LRTM1: variants seen among roughly 807,000 people sequenced by gnomAD.
LRTM1 encodes the protein leucine-rich repeat and transmembrane domain-containing protein 1.
A neutral mutation model predicts 32.4 loss-of-function variants in LRTM1; 38 were observed. The ratio of observed to expected loss-of-function variants is 1.17; its 90% confidence interval spans 0.91 to 1.54. The LOEUF is 1.54. Among genes scored for constraint, LRTM1 ranks in the 40% most tolerant of loss-of-function variants. The pLI is 0.00. For synonymous variants in LRTM1, 186 were observed against 169.9 expected, an observed-to-expected ratio of 1.09 and a Z score of -0.74; for missense variants, 466 against 415.4, an observed-to-expected ratio of 1.12 and a Z score of -1.06.
At chr3:54,945,982 G>T (rs1020402009) in intron 1 of LRTM1, among the ~76,000 whole-genome samples, 1 of 152,160 alleles carries the variant, frequency 6.6e-6, no homozygotes, top group African/African-American at 2.4e-5. Flanking sequence ...TCTTTGCCAC[G>T]CTTATTCGCC....
intron 1 of LRTM1, among the ~76,000 whole-genome samples, chr3:54,952,806 A>G (rs1169374497): frequency 3.9e-5 from 6 of 152,132 alleles, no homozygotes; most frequent in Non-Finnish European, 8.8e-5. Context: ...GACAATGACA[A>G]TATCTATCTA....
intron 1 of LRTM1, among the ~76,000 whole-genome samples, chr3:54,964,015 G>T (rs1324424678): frequency 6.6e-6 from 1 of 152,222 alleles, no homozygotes; most frequent in East Asian, 1.9e-4. Context: ...AGAGAGGTCA[G>T]TGCTTCAGAT....
At chr3:54,956,143 G>T (rs971217226) in intron 1 of LRTM1, among the ~76,000 whole-genome samples, 1 of 152,164 alleles carries the variant, frequency 6.6e-6, no homozygotes, top group Non-Finnish European at 1.5e-5. Context: ...GGCCAGGTCT[G>T]CTGCAGCTGA....
chr3:54,946,482 A>AAAGGAGGGGGGATGTGAGGG (rs1701617475), intron 1 of LRTM1, among the ~76,000 whole-genome samples: 1 of 152,184 alleles, frequency 6.6e-6, no homozygotes, highest in African/African-American at 2.4e-5. Context: ...GAAGAAAATG[A>AAAGGAGGGGGGATGTGAGGG]AAGGAGGGGG....
chr3:54,933,114 T>G, intron 1 of LRTM1, among the ~76,000 whole-genome samples: 1 of 127,238 alleles, frequency 7.9e-6, no homozygotes, highest in South Asian at 2.7e-4. Flanking sequence ...CCTTCCTTCC[T>G]TCTTTCTGGA....
intron 1 of LRTM1, among the ~76,000 whole-genome samples, chr3:54,965,079 GT>G: frequency 6.6e-6 from 1 of 152,262 alleles, no homozygotes; most frequent in South Asian, 2.1e-4. Context: ...AGGACCAATA[GT>G]AAATAACTGA....
intron 1 of LRTM1, among the ~76,000 whole-genome samples, chr3:54,935,873 A>G (rs1436497581): frequency 1.3e-5 from 2 of 152,254 alleles, no homozygotes; most frequent in Non-Finnish European, 2.9e-5. Context: ...TCTGGAAAAC[A>G]GTTAGTCTTA....
intron 1 of LRTM1, among the ~76,000 whole-genome samples, chr3:54,933,718 GT>G: frequency 6.6e-6 from 1 of 150,812 alleles, no homozygotes; most frequent in South Asian, 2.1e-4. Context: ...CACTTAATAG[GT>G]TTATTAAGTA....
At chr3:54,957,166 CTT>C (rs57778359) in intron 1 of LRTM1, among the ~76,000 whole-genome samples, 80 of 148,718 alleles carry the variant, frequency 5.4e-4, no homozygotes, top group African/African-American at 7.5e-4. Context: ...AAATAATTTT[CTT>C]TTTTTTTTTT....
chr3:54,954,025 C>T (rs1157581651), intron 1 of LRTM1, among the ~76,000 whole-genome samples: 1 of 152,230 alleles, frequency 6.6e-6, no homozygotes, highest in African/African-American at 2.4e-5. Flanking sequence ...AACCTAATTT[C>T]CATCAGAAGT....
intron 1 of LRTM1, among the ~76,000 whole-genome samples, chr3:54,939,379 T>C (rs1701406556): frequency 6.6e-6 from 1 of 152,232 alleles, no homozygotes; most frequent in African/African-American, 2.4e-5. Flanking sequence ...CTTCAAAGCC[T>C]TTGAACTACT....
At chr3:54,931,180 C>G (rs562188976), upstream of LRTM1, among the ~76,000 whole-genome samples, 4 of 152,182 alleles carry the variant, frequency 2.6e-5, no homozygotes, top group African/African-American at 9.6e-5. Context: ...CTGCTCCCAC[C>G]TAAAACACGA....
chr3:54,953,783 G>C (rs1701815585), intron 1 of LRTM1, among the ~76,000 whole-genome samples: 1 of 152,092 alleles, frequency 6.6e-6, no homozygotes. Context: ...ACTGGGAGTG[G>C]GTGAGGGGGG....
chr3:54,942,496 T>C (rs1211173416), intron 1 of LRTM1, among the ~76,000 whole-genome samples: 3 of 152,220 alleles, frequency 2.0e-5, no homozygotes, highest in Non-Finnish European at 4.4e-5. Context: ...TATGCTCCTC[T>C]TAATGCATCT....
chr3:54,938,933 A>T (rs527568591), intron 1 of LRTM1, among the ~76,000 whole-genome samples: 15 of 152,288 alleles, frequency 9.8e-5, no homozygotes, highest in African/African-American at 3.6e-4. Flanking sequence ...GAGCATGTGC[A>T]TTGGCCTGCA....
intron 1 of LRTM1, among the ~76,000 whole-genome samples, chr3:54,926,102 A>G (rs527973827): frequency 2.0e-5 from 3 of 152,198 alleles, no homozygotes; most frequent in African/African-American, 4.8e-5. Flanking sequence ...CCCAATTTCT[A>G]TTTTCCAGCA....
upstream of LRTM1, among the ~76,000 whole-genome samples, chr3:54,928,861 G>T (rs962667546): frequency 1.3e-4 from 20 of 152,136 alleles, no homozygotes; most frequent in Admixed American, 1.1e-3. Context: ...TGAGCATCAG[G>T]CGTCAGTCGA....
chr3:54,936,731 A>G (rs79238612), intron 1 of LRTM1, among the ~76,000 whole-genome samples: 3,248 of 152,204 alleles, frequency 0.021, 118 homozygotes, highest in African/African-American at 0.071. Flanking sequence ...ATCCTTGCAT[A>G]ATTAGAGAAA....
At chr3:54,949,375 A>T (rs1366408921) in intron 1 of LRTM1, among the ~76,000 whole-genome samples, 2 of 152,224 alleles carry the variant, frequency 1.3e-5, no homozygotes, top group Non-Finnish European at 2.9e-5. Flanking sequence ...ATGCCTGCTC[A>T]GCTGGCAAAA....
Sources: gnomAD v4.1 joint callset for allele counts (sites outside exome capture counted in the v4.1 genomes callset) on GRCh38, gnomAD v4.1.1 for gene constraint, MANE v1.5 for transcripts, NCBI Gene and HGNC (gene_info 2026-07-23, HGNC 2026-07-21) for gene names.